Variants in DMD observed in about 807,000 individuals in gnomAD.
DMD encodes the protein mutant dystrophin.
Under a neutral mutation model 330.1 loss-of-function variants are expected in DMD, and 63 were observed. The observed-to-expected ratio is 0.19, with a 90% CI of 0.16 to 0.24. The LOEUF is 0.24. DMD is among the 10% of genes least tolerant of loss of function. The pLI, the probability that DMD is intolerant of heterozygous loss-of-function variation, is 1.00. For missense variants in DMD, 3,344 were observed against 2,684.1 expected, an observed-to-expected ratio of 1.25 and a Z score of -5.43; for synonymous variants, 1,223 against 959.8, an observed-to-expected ratio of 1.27 and a Z score of -5.07.
At chrX:33,122,974 C>T (rs2095434128) in intron 1 of DMD, among the ~76,000 whole-genome samples, 1 of 112,429 alleles carries the variant, frequency 8.9e-6, no homozygotes. Context: ...AAGGATGTTT[C>T]AGTCAATGAT....
chrX:32,449,417 C>G (rs1449893607), intron 26 of DMD, among the ~76,000 whole-genome samples: 1 of 109,830 alleles, frequency 9.1e-6, no homozygotes. Flanking sequence ...TATGAACGAA[C>G]GCCGTTTCTT....
At chrX:32,891,237 A>G (rs1340355554) in intron 2 of DMD, among the ~76,000 whole-genome samples, 2 of 111,607 alleles carry the variant, frequency 1.8e-5, no homozygotes, top group Admixed American at 9.5e-5. Flanking sequence ...TTCCTGCTAC[A>G]TACACACCAG....
chrX:32,964,497 C>G (rs931573088), intron 2 of DMD, among the ~76,000 whole-genome samples: 3 of 109,920 alleles, frequency 2.7e-5, no homozygotes, highest in Non-Finnish European at 5.7e-5. Flanking sequence ...CACCTGAGGT[C>G]AGGAGTTTGA....
intron 12 of DMD, among the ~76,000 whole-genome samples, chrX:32,604,018 A>T (rs779139663): frequency 2.5e-4 from 28 of 111,255 alleles, no homozygotes; most frequent in Admixed American, 4.8e-4. Flanking sequence ...TATCACCATG[A>T]TACCAAAGGC....
At chrX:33,063,770 T>A (rs1399948725) in intron 1 of DMD, among the ~76,000 whole-genome samples, 1 of 110,218 alleles carries the variant, frequency 9.1e-6, no homozygotes, top group Non-Finnish European at 1.9e-5. Context: ...ACCAACTGAA[T>A]CACTATCTCT....
intron 1 of DMD, among the ~76,000 whole-genome samples, chrX:33,251,071 G>A (rs1603425462): frequency 1.8e-5 from 2 of 110,498 alleles, no homozygotes; most frequent in Non-Finnish European, 3.8e-5. Context: ...TTTTCTACTT[G>A]CTGAGCCCGT....
At chrX:31,860,365 G>C (rs2093680049) in intron 48 of DMD, among the ~76,000 whole-genome samples, 1 of 112,034 alleles carries the variant, frequency 8.9e-6, no homozygotes, top group East Asian at 2.8e-4. Flanking sequence ...TTGGTGAATG[G>C]AAAATAGAAA....
intron 44 of DMD, among the ~76,000 whole-genome samples, chrX:32,068,236 C>T (rs12556729): frequency 0.051 from 5,679 of 111,083 alleles, 137 homozygotes; most frequent in South Asian, 0.076. Context: ...TTAGGTTCCT[C>T]ATAGATTCTG....
chrX:32,895,091 T>G (rs2085578608), intron 2 of DMD, among the ~76,000 whole-genome samples: 1 of 112,034 alleles, frequency 8.9e-6, no homozygotes, highest in African/African-American at 3.2e-5. Flanking sequence ...CTCTGGTGTT[T>G]TCTTTACACG....
intron 62 of DMD, among the ~76,000 whole-genome samples, chrX:31,297,635 C>T (rs1215810163): frequency 8.9e-6 from 1 of 111,939 alleles, no homozygotes. Flanking sequence ...ATTAATCTTT[C>T]CCTTATGAGT....
At chrX:33,264,394 A>AGTG (rs2053008716) in intron 1 of DMD, among the ~76,000 whole-genome samples, 1 of 111,365 alleles carries the variant, frequency 9.0e-6, no homozygotes, top group Non-Finnish European at 1.9e-5. Context: ...CTGTAAGCCA[A>AGTG]GTGGTAGTTC....
chrX:31,465,819 C>T (rs965647535), intron 59 of DMD, among the ~76,000 whole-genome samples: 4 of 112,068 alleles, frequency 3.6e-5, no homozygotes, highest in East Asian at 2.8e-4. Context: ...TACACTCCCA[C>T]CAACAGTGTA....
intron 2 of DMD, among the ~76,000 whole-genome samples, chrX:32,936,945 G>T (rs1230457497): frequency 1.8e-5 from 2 of 111,519 alleles, no homozygotes; most frequent in Non-Finnish European, 3.8e-5. Flanking sequence ...ATCCTCAAAG[G>T]AGTTAATATG....
intron 18 of DMD, among the ~76,000 whole-genome samples, chrX:32,505,376 A>T (rs2044514229): frequency 2.7e-5 from 3 of 112,487 alleles, no homozygotes. Flanking sequence ...CACCTCACCA[A>T]AGGAAGTATA....
chrX:32,238,428 C>T (rs1373951375), intron 43 of DMD, among the ~76,000 whole-genome samples: 1 of 105,535 alleles, frequency 9.5e-6, no homozygotes, highest in Non-Finnish European at 1.9e-5. Context: ...TGTGTTCCCA[C>T]AGAAGAAGCA....
chrX:31,809,794 T>C (rs2092404677), intron 50 of DMD, among the ~76,000 whole-genome samples: 1 of 110,411 alleles, frequency 9.1e-6, no homozygotes, highest in Middle Eastern at 4.2e-3. Context: ...TGATCAGCAC[T>C]GTAATCTTAA....
rs964309583 is a variant in DMD at position 32,950,178 on chromosome X, T to C, written c.93+69961A>G. On this transcript the variant is annotated intron_variant, in intron 2 of 78. Coordinates refer to ENST00000357033, the MANE Select transcript of DMD (RefSeq NM_004006.3). The stretch of plus-strand genomic sequence containing the variant: ...GGGTCCAAAAACAAATATGTAGTAG[T>C]AGTAGTAGTAGCAGCAGCAGCAGTA... Among the ~76,000 whole-genome samples the C allele has an allele frequency of 1.4e-3, 153 of 110,702 alleles. 1 individual carries two copies. The highest frequency in any genetic ancestry group is 4.5e-3 in the African/African-American group (138 of 30,503).
intron 1 of DMD, among the ~76,000 whole-genome samples, chrX:33,314,559 G>GT (rs764129742): frequency 0.039 from 2,248 of 57,325 alleles, 217 homozygotes; most frequent in Middle Eastern, 0.068. Context: ...TGCCCAGCCT[G>GT]TTTTTTTTTT....
chrX:31,812,633 T>C (rs2149393293), intron 50 of DMD, among the ~76,000 whole-genome samples: 2 of 111,626 alleles, frequency 1.8e-5, no homozygotes, highest in Non-Finnish European at 3.8e-5. Context: ...TAACCTTATA[T>C]GTGAGGATTT....
Sources: gnomAD v4.1 joint callset for allele counts (sites outside exome capture counted in the v4.1 genomes callset) on GRCh38, gnomAD v4.1.1 for gene constraint, MANE v1.5 for transcripts, NCBI Gene and HGNC (gene_info 2026-07-23, HGNC 2026-07-21) for gene names.